MYH8: variants seen among roughly 807,000 people sequenced by gnomAD.
MYH8 encodes the protein myosin-8.
MYH8 carries 168 observed loss-of-function variants against 233.2 expected under a neutral mutation model. The observed-to-expected ratio is 0.72, with a 90% CI of 0.64 to 0.82. The LOEUF is 0.82. MYH8 is among the 40% of genes least tolerant of loss of function. The pLI is 0.00. For missense variants in MYH8, 1,995 were observed against 2,327.8 expected, an observed-to-expected ratio of 0.86 and a Z score of 2.94; for synonymous variants, 785 against 850.6, an observed-to-expected ratio of 0.92 and a Z score of 1.34.
chr17:10,390,427 C>T lies in MYH8; in HGVS notation c.*27G>A. The T allele has an allele frequency of 6.2e-7, 1 of 1,612,594 alleles. No homozygotes were observed. The highest frequency in any genetic ancestry group is 8.5e-7 in the Non-Finnish European group (1 of 1,179,984). On this transcript the variant is annotated 3_prime_UTR_variant, in exon 40 of 40. Transcript: ENST00000403437. The stretch of plus-strand genomic sequence containing the variant: ...TAGCACATTTTGTGCCTTTCTTCAG[C>T]CTCTTGATAGCATCAGGCAGGTGTG...
rs746035309 is a variant in MYH8, at chr17:10,410,933, C to T, written c.1431G>A (p.Glu477=). ...GFEIFDFNSL[E]QLCINFTNEK... ...CGTTGGTGAAGTTGATGCACAGCTG[C>T]TCCAGGCTGTTAAACTACACAAAAT... Residue 477 remains glutamate, a synonymous_variant, in exon 15 of 40, where the codon GAG becomes GAA. Transcript: ENST00000403437. 1.2e-5 allele frequency: 20 copies of T among 1,613,946 alleles called. No homozygotes were observed. The highest frequency in any genetic ancestry group is 3.3e-4 in the Middle Eastern group (2 of 6,082).
At chr17:10,405,437 A>G (rs1238466546) in intron 21 of MYH8, among the ~76,000 whole-genome samples, 1 of 152,212 alleles carries the variant, frequency 6.6e-6, no homozygotes, top group Non-Finnish European at 1.5e-5. Flanking sequence ...CTATGAAAGC[A>G]GATACCTTGA....
At position 10,419,927 on chromosome 17, in the gene MYH8, G is replaced by T; in HGVS notation, c.210+91C>A. 1 of 1,385,134 alleles carries T rather than the reference G, an allele frequency of 7.2e-7. No homozygotes were observed. Among genetic ancestry groups the T allele is most frequent in the Non-Finnish European group, 1.0e-6 (1 of 974,926 alleles). 85.8% of individuals were successfully genotyped at this position (1,385,134 alleles called of 1,614,324 possible). On this transcript the variant is annotated intron_variant, in intron 3 of 39. Transcript: ENST00000403437. The surrounding 1 kb of genome is among the most constrained non-coding windows in gnomAD (Gnocchi z 4.0). ...CACTGACTAGAAGGGTGTTTGCATT[G>T]GCAACAGGCTTGGAGATTCCCAGTA...
In MYH8 at chr17:10,400,395, C is replaced by G. The variant is rs754138767; in HGVS notation, c.3730G>C (p.Ala1244Pro). 6.2e-7 allele frequency: 1 copy of G among 1,612,850 alleles called. No homozygotes were observed. Among genetic ancestry groups the G allele is most frequent in the South Asian group, 1.1e-5 (1 of 91,072 alleles). ...LSSNAEAISK[A>P]KGNLEKMCRS... ...TTAGAGACAGTATTGGGTACCTTGG[C>G]TTTGGAAATGGCCTCTGCGTTACTG... Residue 1244 changes from alanine to proline, a missense_variant, in exon 27 of 40, where the codon GCC becomes CCC. Transcript: ENST00000403437. The surrounding 1 kb of genome is among the most constrained non-coding windows in gnomAD (Gnocchi z 4.0).
In MYH8 at chr17:10,396,229, C is replaced by A; in HGVS notation, c.4653+101G>T. 2 of 1,395,932 alleles carry A rather than the reference C, an allele frequency of 1.4e-6. No homozygotes were observed. Among genetic ancestry groups the A allele is most frequent in the Non-Finnish European group, 2.0e-6 (2 of 1,007,620 alleles). 86.5% of individuals were successfully genotyped at this position (1,395,932 alleles called of 1,614,324 possible). On this transcript the variant is annotated intron_variant, in intron 33 of 39. Transcript: ENST00000403437. The surrounding 1 kb of genome is among the most constrained non-coding windows in gnomAD (Gnocchi z 4.2). ...TTTTGATAACTATTGCCAAGTTGTC[C>A]TTCATAAAGATCCTGTGAGTTTAAA... is the stretch of plus-strand genomic sequence containing the variant.
In MYH8 at chr17:10,415,098, A is replaced by T. The variant is rs750131773; in HGVS notation, c.805+18T>A. On this transcript the variant is annotated intron_variant, in intron 9 of 39. Transcript: ENST00000403437. This position sits in a 1 kb window ranked among gnomAD's most constrained non-coding sequence, Gnocchi z 4.1. ...CACTTGTCTCTCTGTTTTGATTTTCAATGGTCCTGTTACTCACATGTTTCT... is the reference window on the plus strand; with the variant it reads ...CACTTGTCTCTCTGTTTTGATTTTCTATGGTCCTGTTACTCACATGTTTCT... 3 of 1,607,846 alleles carry T rather than the reference A, an allele frequency of 1.9e-6. No individual in the cohort carries two copies. Among genetic ancestry groups the T allele is most frequent in the Admixed American group, 3.3e-5 (2 of 60,012 alleles).
intron 39 of MYH8, 145 bp from the exon 40 acceptor site, chr17:10,390,748 A>C: frequency 1.1e-6 from 1 of 939,296 alleles, no homozygotes; most frequent in South Asian, 1.5e-5. Context: ...AGAGTTTATA[A>C]CTTCAACTAC....
At chr17:10,393,282 T>C (rs2142167683) in intron 35 of MYH8, 72 bp from the exon 36 acceptor site, 2 of 1,584,504 alleles carry the variant, frequency 1.3e-6, no homozygotes, top group South Asian at 2.2e-5. Flanking sequence ...GTGTCTTACT[T>C]GTTGGTTCGT....
chr17:10,407,877 A>G (rs889615250), intron 17 of MYH8, among the ~76,000 whole-genome samples: 23 of 151,896 alleles, frequency 1.5e-4, no homozygotes, highest in African/African-American at 5.3e-4. Context: ...TAAAATTATG[A>G]AACTATATAA....
At chr17:10,395,083 G>T (rs756786164) in intron 34 of MYH8, 50 bp downstream of exon 34, 1 of 1,601,470 alleles carries the variant, frequency 6.2e-7, no homozygotes, top group South Asian at 1.1e-5. Context: ...GGAAATGGAA[G>T]ACAGGTACTT....
chr17:10,404,621 C>T, intron 21 of MYH8, 36 bp from the exon 22 acceptor site: 1 of 1,612,132 alleles, frequency 6.2e-7, no homozygotes, highest in Non-Finnish European at 8.5e-7. Context: ...TAGACTAATC[C>T]ATCAGAGCCA....
chr17:10,400,958 T>A lies in MYH8; in HGVS notation c.3256A>T (p.Lys1086Ter). Reference sequence around the variant, plus strand: ...ATCAAATTGCTGATTTCAAATTCTTTCCTTTAGACAGAAGAGCAAGACGTA... The same window carrying A: ...ATCAAATTGCTGATTTCAAATTCTTACCTTTAGACAGAAGAGCAAGACGTA... The part of the protein sequence containing the change: ...KQQLDEKLEK[K>*]EFEISNLISK... Residue 1086 changes from lysine to a stop codon, truncating the protein, a stop_gained and splice_region_variant, in exon 26 of 40, where the codon AAA (lysine) becomes TAA (stop). Coordinates refer to ENST00000403437, the MANE Select transcript of MYH8 (RefSeq NM_002472.3). LOFTEE classifies it high-confidence loss of function. The surrounding 1 kb of genome is among the most constrained non-coding windows in gnomAD (Gnocchi z 4.0). The A allele has an allele frequency of 6.2e-7, 1 of 1,613,692 alleles. No homozygotes were observed. The highest frequency in any genetic ancestry group is 8.5e-7 in the Non-Finnish European group (1 of 1,179,866).
intron 9 of MYH8, 34 bp from the exon 10 acceptor site, chr17:10,414,518 A>T: frequency 1.4e-6 from 2 of 1,385,218 alleles, no homozygotes; most frequent in African/African-American, 1.4e-5. Flanking sequence ...GTTTGAAAAA[A>T]GTATCAATGC....
chr17:10,406,609 C>A (rs1048912854), intron 19 of MYH8, 81 bp downstream of exon 19: 2 of 1,398,340 alleles, frequency 1.4e-6, no homozygotes, highest in African/African-American at 1.4e-5. Flanking sequence ...CCTACCACCA[C>A]AAGACTATAT....
Position 10,409,376 on chromosome 17 carries a change from A to G in MYH8, c.1800T>C (p.Asn600=), listed in dbSNP as rs1477183477. The change falls in exon 16 of 40, where the codon AAT becomes AAC. Residue 600 remains asparagine (N), a synonymous_variant. Coordinates refer to ENST00000403437, the MANE Select transcript of MYH8 (RefSeq NM_002472.3). ...DYNITGWLDK[N]KDPLNDTVVG... ...CCACAGTATCATTCAGGGGGTCCTTATTTTTGTCCAGCCAGCCAGTAATGT... is the reference window on the plus strand; with the variant it reads ...CCACAGTATCATTCAGGGGGTCCTTGTTTTTGTCCAGCCAGCCAGTAATGT... 1 of 1,614,154 alleles carries G rather than the reference A, an allele frequency of 6.2e-7. No individual in the cohort carries two copies.
At chr17:10,418,507 G>A (rs2072306847) in intron 5 of MYH8, 138 bp downstream of exon 5, 2 of 1,499,728 alleles carry the variant, frequency 1.3e-6, no homozygotes, top group Non-Finnish European at 1.8e-6. Flanking sequence ...TGTCACAGCT[G>A]TGAAAGTTTT....
Position 10,401,648 on chromosome 17 carries a change from C to G in MYH8, c.2826G>C (p.Lys942Asn), listed in dbSNP as rs776918994. ...AACATTCATCCTCCAGTTTTCTCTT[C>G]TTGGCTGTCAGCTCAGCATTGATCT... ...EEEINAELTA[K>N]KRKLEDECSE... Residue 942 changes from lysine to asparagine, a missense_variant, in exon 23 of 40, where the codon AAG becomes AAC. Lys to Asn is a moderately conservative substitution (Grantham distance 94, BLOSUM62 0). Around this residue, in one of 3 missense-constraint regions of MYH8, gnomAD observed 1,498 missense variants for 1,680.9 expected, o/e 0.89. Coordinates refer to ENST00000403437, the MANE Select transcript of MYH8 (RefSeq NM_002472.3). 1 of 1,614,114 alleles carries G rather than the reference C, an allele frequency of 6.2e-7. No individual in the cohort carries two copies. The highest frequency in any genetic ancestry group is 8.5e-7 in the Non-Finnish European group (1 of 1,180,032).
chr17:10,398,986 G>GC, intron 28 of MYH8, 100 bp from the exon 29 acceptor site: 1 of 502,606 alleles, frequency 2.0e-6, no homozygotes, highest in Non-Finnish European at 3.4e-6. Context: ...ATGTATATAT[G>GC]TGTGTGTGTA....
chr17:10,401,115 A>G lies in MYH8; in HGVS notation c.3185T>C (p.Leu1062Pro). Reference protein sequence around the residue: ...ERAKRKLEGDLKLAQESTMDM... With the variant: ...ERAKRKLEGDPKLAQESTMDM... The stretch of plus-strand genomic sequence containing the variant: ...CATTGTGGATTCTTGGGCCAATTTG[A>G]GGTCACCCTCCAGTTTCCGCTTTGC... Residue 1062 changes from leucine (L) to proline (P), a missense_variant, in exon 25 of 40, where the codon CTC becomes CCC. Transcript: ENST00000403437. 1 of 1,614,124 alleles carries G rather than the reference A, an allele frequency of 6.2e-7. No homozygotes were observed. Among genetic ancestry groups the G allele is most frequent in the Non-Finnish European group, 8.5e-7 (1 of 1,180,020 alleles).
Sources: gnomAD v4.1 joint callset for allele counts (sites outside exome capture counted in the v4.1 genomes callset) on GRCh38, gnomAD v4.1.1 for gene constraint, gnomAD v4.1.1 regional missense constraint, Gnocchi (gnomAD v3.1) non-coding constraint, MANE v1.5 for transcripts, NCBI Gene and HGNC (gene_info 2026-07-23, HGNC 2026-07-21) for gene names.